The following PEPD variants were observed in gnomAD, a reference collection of about 807,000 sequenced individuals.
PEPD encodes the protein peptidase D.
Under a neutral mutation model 60.7 loss-of-function variants are expected in PEPD, and 53 were observed. The observed-to-expected ratio is 0.87, with a 90% confidence interval of 0.70 to 1.10. PEPD has a LOEUF of 1.10. Among genes scored for constraint, PEPD ranks in the 50% least tolerant of loss-of-function variants. The pLI is 0.00. For missense variants in PEPD, 711 were observed against 711.9 expected, an observed-to-expected ratio of 1.00 and a Z score of 0.01; for synonymous variants, 267 against 284.1, an observed-to-expected ratio of 0.94 and a Z score of 0.60.
intron 9 of PEPD, among the ~76,000 whole-genome samples, chr19:33,454,216 G>C (rs1969754202): frequency 6.6e-6 from 1 of 152,208 alleles, no homozygotes; most frequent in African/African-American, 2.4e-5. Flanking sequence ...TCAAACGAAA[G>C]AGCCCTCGAT....
chr19:33,483,659 A>C (rs1240106566), intron 6 of PEPD, among the ~76,000 whole-genome samples: 1 of 151,940 alleles, frequency 6.6e-6, no homozygotes, highest in Non-Finnish European at 1.5e-5. Context: ...AAAATTTAAA[A>C]ATTATCTGGG....
chr19:33,501,911 G>A (rs1302461783), intron 3 of PEPD, among the ~76,000 whole-genome samples: 1 of 152,104 alleles, frequency 6.6e-6, no homozygotes, highest in East Asian at 1.9e-4. Context: ...ATTACTCAAT[G>A]TGATGAGAAA....
chr19:33,396,647 G>A (rs1157940520), intron 12 of PEPD, among the ~76,000 whole-genome samples: 1 of 142,030 alleles, frequency 7.0e-6, no homozygotes, highest in Non-Finnish European at 1.5e-5. Flanking sequence ...AGTGACAGGG[G>A]CACAGGAGGC....
chr19:33,495,765 C>G (rs1340510374), intron 4 of PEPD, among the ~76,000 whole-genome samples: 1 of 151,838 alleles, frequency 6.6e-6, no homozygotes, highest in African/African-American at 2.4e-5. Context: ...GCGGGTGGAT[C>G]ACTTGAGGTC....
At chr19:33,478,021 C>A in intron 7 of PEPD, 25 bp downstream of exon 7, 1 of 1,573,116 alleles carries the variant, frequency 6.4e-7, no homozygotes. Context: ...AACAAACAGG[C>A]AAGGTGACCA....
At chr19:33,454,444 A>G (rs1039949034) in intron 9 of PEPD, among the ~76,000 whole-genome samples, 1 of 152,100 alleles carries the variant, frequency 6.6e-6, no homozygotes. Flanking sequence ...TCTACTAAAA[A>G]TACAAAAATT....
intron 4 of PEPD, among the ~76,000 whole-genome samples, chr19:33,494,245 C>G (rs1256852160): frequency 6.6e-6 from 1 of 152,234 alleles, no homozygotes; most frequent in Admixed American, 6.5e-5. Flanking sequence ...CAGCCCTCGC[C>G]TCTCCCCACA....
At chr19:33,511,921 C>T (rs368259093) in intron 2 of PEPD, among the ~76,000 whole-genome samples, 2 of 152,166 alleles carry the variant, frequency 1.3e-5, no homozygotes, top group African/African-American at 4.8e-5. Context: ...AGTCTGCGGT[C>T]GCTCAGCAAT....
chr19:33,473,489 C>T (rs895014473), intron 7 of PEPD, among the ~76,000 whole-genome samples: 2 of 152,124 alleles, frequency 1.3e-5, no homozygotes, highest in Non-Finnish European at 2.9e-5. Flanking sequence ...GGACACTTTT[C>T]GTTCTGTGTA....
chr19:33,436,098 G>A (rs1291548877), intron 9 of PEPD, among the ~76,000 whole-genome samples: 4 of 152,070 alleles, frequency 2.6e-5, no homozygotes, highest in Non-Finnish European at 5.9e-5. Context: ...AGAAGCAGAG[G>A]AGTGGGAGGA....
chr19:33,405,598 C>A (rs1180963015), intron 11 of PEPD, among the ~76,000 whole-genome samples: 1 of 152,210 alleles, frequency 6.6e-6, no homozygotes, highest in South Asian at 2.1e-4. Flanking sequence ...CCCCAGTGGG[C>A]GGCCCCTGCA....
intron 12 of PEPD, among the ~76,000 whole-genome samples, chr19:33,400,539 A>G (rs1166812389): frequency 6.6e-6 from 1 of 152,236 alleles, no homozygotes; most frequent in Non-Finnish European, 1.5e-5. Flanking sequence ...TCTGCGCTGC[A>G]GGCTGGACCC....
At chr19:33,449,755 G>A (rs1026885243) in intron 9 of PEPD, among the ~76,000 whole-genome samples, 63 of 106,446 alleles carry the variant, frequency 5.9e-4, no homozygotes, top group African/African-American at 2.5e-3. Flanking sequence ...GACCACCCCA[G>A]GCGGTGTCCC....
chr19:33,422,360 T>C (rs983346143), intron 9 of PEPD, among the ~76,000 whole-genome samples: 3 of 151,942 alleles, frequency 2.0e-5, no homozygotes, highest in African/African-American at 7.3e-5. Context: ...CATCTGCCTA[T>C]ATCTACCTAC....
rs111573990 is a variant in PEPD, at chr19:33,468,588, C to G, written c.549-4526G>C. On this transcript the variant is annotated intron_variant, in intron 7 of 14. Transcript: ENST00000244137. ...AGAGGCAGCAAGCCCTTGGGAACTTCAAGGGAGCAGCCCATGCCAGCCAGC... is the reference window on the plus strand; with the variant it reads ...AGAGGCAGCAAGCCCTTGGGAACTTGAAGGGAGCAGCCCATGCCAGCCAGC... 2.0e-4 allele frequency among the ~76,000 whole-genome samples: 30 copies of G among 152,370 alleles called. 4 individuals are homozygous for G. The highest frequency in any genetic ancestry group is 6.5e-4 in the African/African-American group (27 of 41,594).
intron 9 of PEPD, among the ~76,000 whole-genome samples, chr19:33,433,686 C>T (rs904141470): frequency 6.6e-6 from 1 of 152,246 alleles, no homozygotes; most frequent in Non-Finnish European, 1.5e-5. Context: ...CCAGGCGATA[C>T]TTCCTTAAAT....
intron 3 of PEPD, among the ~76,000 whole-genome samples, chr19:33,509,396 A>G (rs1212443048): frequency 6.6e-6 from 1 of 152,234 alleles, no homozygotes; most frequent in Non-Finnish European, 1.5e-5. Flanking sequence ...CAGTCTTGCC[A>G]GGCTGGGATC....
chr19:33,515,380 G>A (rs999592041), intron 1 of PEPD, among the ~76,000 whole-genome samples: 3 of 152,108 alleles, frequency 2.0e-5, no homozygotes, highest in Non-Finnish European at 4.4e-5. Context: ...TGGCTGGGTG[G>A]ACACCAGCGG....
chr19:33,464,195 G>A, intron 7 of PEPD, 133 bp from the exon 8 acceptor site: 1 of 714,894 alleles, frequency 1.4e-6, no homozygotes, highest in Non-Finnish European at 2.5e-6. Context: ...CCAGAGTGGG[G>A]CCACCAAGGC....
Sources: allele counts gnomAD v4.1 joint callset (sites outside exome capture counted in the v4.1 genomes callset), GRCh38; gene constraint gnomAD v4.1.1; transcripts MANE v1.5; gene names NCBI Gene and HGNC (gene_info 2026-07-23, HGNC 2026-07-21).